UTP15: variants seen among roughly 807,000 people sequenced by gnomAD.
UTP15 encodes U3 small nucleolar RNA-associated protein 15 homolog.
UTP15 carries 5 observed loss-of-function variants against 59.1 expected under a neutral mutation model. The ratio of observed to expected loss-of-function variants is 0.08; its 90% confidence interval spans 0.04 to 0.18. The LOEUF (loss-of-function observed/expected upper bound fraction) is 0.18. UTP15 is among the 10% of genes least tolerant of loss of function. The pLI is 1.00. For missense variants in UTP15, 494 were observed against 616.7 expected (o/e 0.80, Z 2.11); for synonymous variants, 211 against 212.2 (o/e 0.99, Z 0.05).
Position 73,581,917 on chromosome 5 carries a change from T to A in UTP15, c.*1823T>A. The A allele has an allele frequency of 6.6e-6, 1 of 152,290 alleles. No individual in the cohort carries two copies. The highest frequency in any genetic ancestry group is 3.4e-3 in the Middle Eastern group (1 of 294). 9.4% of individuals were successfully genotyped at this position (152,290 alleles called of 1,614,324 possible). On this transcript the variant is annotated 3_prime_UTR_variant, in exon 13 of 13. Transcript: ENST00000296792. The stretch of plus-strand genomic sequence containing the variant: ...TTAGTCAAGATCAGAAGCTGGGTTT[T>A]GGGGTTGAGAAGAGTTCATTTATTT...
In UTP15 at chr5:73,577,839, T is replaced by C; in HGVS notation, c.895-17T>C. On this transcript the variant is annotated splice_polypyrimidine_tract_variant and intron_variant, in intron 8 of 12. Coordinates refer to ENST00000296792, the MANE Select transcript of UTP15 (RefSeq NM_032175.4). ...CGAGTTAAGAATAGACTAACTTATT[T>C]TTCTAATTGTTATTAGCATGAAGAT... 3 of 1,570,030 alleles carry C rather than the reference T, an allele frequency of 1.9e-6. No individual in the cohort carries two copies. Among genetic ancestry groups the C allele is most frequent in the Non-Finnish European group, 2.6e-6 (3 of 1,165,102 alleles).
Position 73,580,159 on chromosome 5 carries a change from G to A in UTP15, c.*65G>A. ...ATAGATTTGACTGTATTAAATGTTG[G>A]CGAGAGACTCTCTTTGATACATTAA... On this transcript the variant is annotated 3_prime_UTR_variant, in exon 13 of 13. Coordinates refer to ENST00000296792, the MANE Select transcript of UTP15 (RefSeq NM_032175.4). 1 of 1,416,000 alleles carries A rather than the reference G, an allele frequency of 7.1e-7. No individual in the cohort carries two copies. Among genetic ancestry groups the A allele is most frequent in the Non-Finnish European group, 9.7e-7 (1 of 1,027,202 alleles). 87.7% of individuals were successfully genotyped at this position (1,416,000 alleles called of 1,614,324 possible). A position where few individuals can be genotyped will look rare whatever the true frequency, so the allele number is the denominator to read the frequency against.
At chr5:73,574,328 A>G (rs1748025871) in intron 7 of UTP15, among the ~76,000 whole-genome samples, 1 of 152,136 alleles carries the variant, frequency 6.6e-6, no homozygotes, top group Non-Finnish European at 1.5e-5. Flanking sequence ...TCTAAAAAAA[A>G]AAAGATAATA....
intron 7 of UTP15, among the ~76,000 whole-genome samples, chr5:73,574,527 G>A (rs1048962613): frequency 6.8e-6 from 1 of 146,914 alleles, no homozygotes; most frequent in Non-Finnish European, 1.5e-5. Context: ...TTGCTCTGTC[G>A]CCCAGGCTGG....
chr5:73,580,619 A>G lies in UTP15; in HGVS notation c.*525A>G, dbSNP rs1419750581. 1 of 152,564 alleles carries G rather than the reference A, an allele frequency of 6.6e-6. No individual in the cohort carries two copies. Among genetic ancestry groups the G allele is most frequent in the East Asian group, 1.9e-4 (1 of 5,202 alleles). The allele number at this position is 152,564 out of a possible 1,614,324, so 9.5% of individuals were successfully genotyped here. ...GATATCTACACTTGTCTTAGATCAC[A>G]TGCCCTGCTTCAGCTGGTAATGGGA... is the stretch of plus-strand genomic sequence containing the variant. On this transcript the variant is annotated 3_prime_UTR_variant, in exon 13 of 13. Transcript: ENST00000296792.
intron 6 of UTP15, among the ~76,000 whole-genome samples, chr5:73,571,360 C>T (rs1747927095): frequency 6.6e-6 from 1 of 151,660 alleles, no homozygotes; most frequent in African/African-American, 2.4e-5. Flanking sequence ...AATGTGGCCT[C>T]AAAAGGGGCC....
chr5:73,568,713 C>A, intron 4 of UTP15, 109 bp downstream of exon 4: 1 of 1,034,986 alleles, frequency 9.7e-7, no homozygotes, highest in Non-Finnish European at 1.4e-6. Context: ...AGATTATTTG[C>A]CTATAGGTAC....
intron 5 of UTP15, 46 bp downstream of exon 5, chr5:73,569,721 T>A: frequency 2.8e-6 from 4 of 1,448,570 alleles, no homozygotes; most frequent in Non-Finnish European, 3.7e-6. Flanking sequence ...CTCACGGGGA[T>A]GTACTTTAAT....
chr5:73,567,199 C>A, intron 1 of UTP15, 63 bp from the exon 2 acceptor site: 1 of 446,298 alleles, frequency 2.2e-6, no homozygotes, highest in Non-Finnish European at 3.9e-6. Flanking sequence ...TTAAAGAAAG[C>A]AGAGTGAAAA....
chr5:73,565,761 G>C lies in UTP15; in HGVS notation c.-235G>C. ...CTCTGGTACGTCATCTTCGCGCGAC[G>C]TTCGGTTCGCTGTGTGTGTCGCCGG... is the stretch of plus-strand genomic sequence containing the variant. On this transcript the variant is annotated 5_prime_UTR_variant, in exon 1 of 13. Transcript: ENST00000296792. The C allele has an allele frequency of 2.2e-6, 1 of 456,286 alleles. No individual in the cohort carries two copies. Among genetic ancestry groups the C allele is most frequent in the South Asian group, 1.5e-5 (1 of 64,562 alleles). The allele number at this position is 456,286 out of a possible 1,614,324, so 28.3% of individuals were successfully genotyped here.
At chr5:73,568,170 T>C (rs1165388888) in intron 2 of UTP15, 65 bp from the exon 3 acceptor site, 38 of 1,184,226 alleles carry the variant, frequency 3.2e-5, no homozygotes, top group Non-Finnish European at 4.5e-5. Context: ...TGTAAGAAAT[T>C]ATGTAATGCA....
At chr5:73,567,134 G>T in intron 1 of UTP15, 128 bp from the exon 2 acceptor site, 1 of 290,136 alleles carries the variant, frequency 3.4e-6, no homozygotes. Flanking sequence ...GCCTTTTCTG[G>T]GTTAGAATTA....
chr5:73,566,020 C>G (rs1747746490), intron 1 of UTP15, 108 bp downstream of exon 1: 1 of 359,824 alleles, frequency 2.8e-6, no homozygotes, highest in South Asian at 2.0e-5. Flanking sequence ...GGAGAGTGGC[C>G]AAATTCTTTA....
Position 73,576,975 on chromosome 5 carries a change from C to G in UTP15, c.833C>G (p.Thr278Ser), listed in dbSNP as rs780238827. The G allele has an allele frequency of 6.2e-7, 1 of 1,608,776 alleles. No individual in the cohort carries two copies. Among genetic ancestry groups the G allele is most frequent in the East Asian group, 2.2e-5 (1 of 44,772 alleles). Residue 278 changes from threonine to serine, a missense_variant, in exon 8 of 13, where the codon ACT (threonine) becomes AGT (serine). Physicochemically the swap from Thr to Ser is moderately conservative, Grantham distance 58. Transcript: ENST00000296792. ...LDRKVKVYSTTSYKVVHSFDY... is the reference protein window; with the variant it reads ...LDRKVKVYSTSSYKVVHSFDY... ...AGGAAGGTGAAAGTATACAGCACAA[C>G]TTCCTACAAAGTAGTCCACAGTTTT...
In UTP15 at chr5:73,579,074, C is replaced by A. The variant is rs372847214; in HGVS notation, c.1204C>A (p.Arg402=). ...ITVSIIKELN[R]RGVLANALAG... ...GGTGTCCATCATAAAGGAGTTAAAT[C>A]GAAGAGGAGTCCTTGCAAATGCGCT... Residue 402 remains arginine (R), a synonymous_variant, in exon 11 of 13, where the codon CGA becomes AGA. Coordinates refer to ENST00000296792, the MANE Select transcript of UTP15 (RefSeq NM_032175.4). 1.2e-5 allele frequency: 20 copies of A among 1,613,746 alleles called. No individual in the cohort carries two copies. The highest frequency in any genetic ancestry group is 1.6e-4 in the Middle Eastern group (1 of 6,082).
chr5:73,570,743 G>A (rs1232031596), intron 6 of UTP15, 32 bp downstream of exon 6: 1 of 1,605,486 alleles, frequency 6.2e-7, no homozygotes, highest in Non-Finnish European at 8.5e-7. Flanking sequence ...CACCAATATT[G>A]TTGGTTTTGA....
At chr5:73,579,852 A>G (rs895791119) in intron 12 of UTP15, 25 bp from the exon 13 acceptor site, 2 of 1,498,858 alleles carry the variant, frequency 1.3e-6, no homozygotes. Context: ...TTGCTAGTTA[A>G]TGTGTTTTCT....
chr5:73,570,102 T>C, intron 5 of UTP15, among the ~76,000 whole-genome samples: 1 of 152,244 alleles, frequency 6.6e-6, no homozygotes, highest in East Asian at 1.9e-4. Flanking sequence ...CCCGGAGGAC[T>C]GGGATTACAA....
chr5:73,570,493 A>T, intron 5 of UTP15, 93 bp from the exon 6 acceptor site: 1 of 1,307,854 alleles, frequency 7.6e-7, no homozygotes, highest in Non-Finnish European at 1.1e-6. Context: ...AACTCCATCT[A>T]AGCTTTTTTT....
Sources: allele counts gnomAD v4.1 joint callset (sites outside exome capture counted in the v4.1 genomes callset), GRCh38; gene constraint gnomAD v4.1.1; transcripts MANE v1.5; gene names NCBI Gene and HGNC (gene_info 2026-07-23, HGNC 2026-07-21).